The following TSHZ3 variants were observed in gnomAD, a reference collection of about 807,000 sequenced individuals.
TSHZ3 encodes teashirt homolog 3.
In TSHZ3, 10 loss-of-function variants were observed where a neutral mutation model predicts 64.5. The observed-to-expected ratio is 0.16, with a 90% CI of 0.10 to 0.26. The LOEUF is 0.26. Ranked by LOEUF, TSHZ3 falls within the 10% of genes least tolerant of loss-of-function variation. The pLI, the probability that TSHZ3 is intolerant of heterozygous loss-of-function variation, is 1.00. For missense variants in TSHZ3, 1,242 were observed against 1,421.7 expected, an observed-to-expected ratio of 0.87 and a Z score of 2.03; for synonymous variants, 608 against 593.1, an observed-to-expected ratio of 1.03 and a Z score of -0.36.
In TSHZ3 at chr19:31,277,150, C is replaced by T; in HGVS notation, c.2643G>A (p.Glu881=). The part of the protein sequence containing the change: ...KSDIDGATLE[E]AEESTPAQKR... ...TCTGGGCGGGCGTCGACTCCTCAGCCTCCTCCAGAGTGGCCCCGTCAATGT... is the reference window on the plus strand; with the variant it reads ...TCTGGGCGGGCGTCGACTCCTCAGCTTCCTCCAGAGTGGCCCCGTCAATGT... Residue 881 remains glutamate (E), a synonymous_variant, in exon 2 of 2, where the codon GAG becomes GAA. Coordinates refer to ENST00000240587, the MANE Select transcript of TSHZ3 (RefSeq NM_020856.4). The surrounding 1 kb of genome is among the most constrained non-coding windows in gnomAD (Gnocchi z 4.5). 6.2e-7 allele frequency: 1 copy of T among 1,612,594 alleles called. No individual in the cohort carries two copies. Among genetic ancestry groups the T allele is most frequent in the Non-Finnish European group, 8.5e-7 (1 of 1,179,024 alleles).
intron 4 of TSHZ3, among the ~76,000 whole-genome samples, chr19:31,215,620 C>A (rs1177653889): frequency 6.6e-6 from 1 of 152,210 alleles, no homozygotes; most frequent in Non-Finnish European, 1.5e-5. Context: ...CGCCTATAAT[C>A]CCAGCACTTT....
chr19:31,218,699 A>G (rs1458267456), intron 4 of TSHZ3, among the ~76,000 whole-genome samples: 1 of 152,226 alleles, frequency 6.6e-6, no homozygotes, highest in Non-Finnish European at 1.5e-5. Context: ...CATCCAGACT[A>G]TGGAATATTG....
chr19:31,278,705 T>C lies in TSHZ3; in HGVS notation c.1088A>G (p.Asn363Ser), dbSNP rs780817273. 1.9e-6 allele frequency: 3 copies of C among 1,614,024 alleles called. No individual in the cohort carries two copies. The highest frequency in any genetic ancestry group is 2.5e-6 in the Non-Finnish European group (3 of 1,180,030). The change falls in exon 2 of 2, where the codon AAT (asparagine) becomes AGT (serine). Residue 363 changes from asparagine (N) to serine (S), a missense_variant. Around this residue, in one of 4 missense-constraint regions of TSHZ3, gnomAD observed 555 missense variants for 704.0 expected, o/e 0.79. Coordinates refer to ENST00000240587, the MANE Select transcript of TSHZ3 (RefSeq NM_020856.4). This position sits in a 1 kb window ranked among gnomAD's most constrained non-coding sequence, Gnocchi z 4.7. ...CCCATTCTGGTGGCCGTACCGATTATTTGGCGTGATGTAAGGGTTGGAGTT... is the reference window on the plus strand; with the variant it reads ...CCCATTCTGGTGGCCGTACCGATTACTTGGCGTGATGTAAGGGTTGGAGTT... ...QKNSNPYITP[N>S]NRYGHQNGAS...
At chr19:31,260,985 T>A (rs889450517) in intron 1 of TSHZ3, among the ~76,000 whole-genome samples, 1 of 152,200 alleles carries the variant, frequency 6.6e-6, no homozygotes, top group African/African-American at 2.4e-5. Flanking sequence ...AAGGCCAATT[T>A]TGAATGCGGG....
intron 5 of TSHZ3, chr19:31,167,451 G>A (rs1249311703): frequency 2.0e-5 from 3 of 152,098 alleles, no homozygotes; most frequent in Non-Finnish European, 2.9e-5. Flanking sequence ...GACCTTTATC[G>A]AGGTCACAGA....
At chr19:31,283,752 G>A (rs367568604) in intron 1 of TSHZ3, among the ~76,000 whole-genome samples, 40 of 152,374 alleles carry the variant, frequency 2.6e-4, no homozygotes, top group African/African-American at 9.6e-4. Flanking sequence ...CACTCAGCAA[G>A]TGGAGTAGTT....
rs572227856 is a variant in TSHZ3, at chr19:31,225,537, A to T, written n.686+2468T>A. Among the ~76,000 whole-genome samples, 3 of 152,214 alleles carry T rather than the reference A, an allele frequency of 2.0e-5. 1 individual carries two copies. In the South Asian group the frequency reaches 6.2e-4, roughly 32 times the overall value. ...AGCCTTGTCCTGCACTTTATGGAAA[A>T]ATGAGAAGCCATCGTATAGGAACAG... On this transcript the variant is annotated intron_variant and non_coding_transcript_variant, in intron 4 of 6. Transcript: ENST00000651361.
At chr19:31,281,592 C>A (rs1487987914) in intron 1 of TSHZ3, among the ~76,000 whole-genome samples, 7 of 152,142 alleles carry the variant, frequency 4.6e-5, no homozygotes, top group Non-Finnish European at 1.0e-4. Flanking sequence ...AAGTTTAAGG[C>A]CATGCACTTT....
At chr19:31,155,668 G>A (rs768529343) in intron 6 of TSHZ3, among the ~76,000 whole-genome samples, 25 of 152,152 alleles carry the variant, frequency 1.6e-4, no homozygotes, top group Non-Finnish European at 3.1e-4. Context: ...CTTACCGTAG[G>A]ACTTTAGATG....
intron 3 of TSHZ3, among the ~76,000 whole-genome samples, chr19:31,232,826 C>A (rs940258303): frequency 6.6e-6 from 1 of 152,186 alleles, no homozygotes; most frequent in African/African-American, 2.4e-5. Context: ...ATACAGAATG[C>A]ATTTGTTTCC....
rs370991502 is a variant in TSHZ3, at chr19:31,259,651, TA to T, written n.64-16777del. 4.3e-3 allele frequency among the ~76,000 whole-genome samples: 606 copies of T among 141,280 alleles called. 3 individuals are homozygous for T. Among genetic ancestry groups the T allele is most frequent in the African/African-American group, 0.013 (510 of 38,402 alleles). 92.7% of individuals were successfully genotyped at this position (141,280 alleles called of 152,430 possible). ...GAGCTCACTCAATTTTTGCTGGAAA[TA>T]AAAAAAAAAAGAGAAATAGGAGGTC... is the stretch of plus-strand genomic sequence containing the variant. On this transcript the variant is annotated intron_variant and non_coding_transcript_variant, in intron 1 of 6. Transcript: ENST00000651361.
Position 31,205,254 on chromosome 19 carries a change from G to A in TSHZ3, n.687-176C>T, listed in dbSNP as rs145704232. Among the ~76,000 whole-genome samples, 4 of 152,268 alleles carry A rather than the reference G, an allele frequency of 2.6e-5. No homozygotes were observed. In the East Asian group the frequency reaches 5.8e-4, roughly 22 times the overall value. On this transcript the variant is annotated intron_variant and non_coding_transcript_variant, in intron 4 of 6. Coordinates refer to the TSHZ3 transcript ENST00000651361. ...CTTATGCAATTCTCACCCTAAGCCTGCGATACCACAATTTTTATAATTTAT... is the reference window on the plus strand; with the variant it reads ...CTTATGCAATTCTCACCCTAAGCCTACGATACCACAATTTTTATAATTTAT...
At chr19:31,294,854 G>A (rs1338898546) in intron 1 of TSHZ3, among the ~76,000 whole-genome samples, 1 of 152,108 alleles carries the variant, frequency 6.6e-6, no homozygotes, top group Non-Finnish European at 1.5e-5. Flanking sequence ...AAGAGAGAGA[G>A]AAAAGAAACA....
At position 31,277,970 on chromosome 19, in the gene TSHZ3, T is replaced by C. The variant is rs1216478674; in HGVS notation, c.1823A>G (p.His608Arg). Residue 608 changes from histidine to arginine, a missense_variant, in exon 2 of 2, where the codon CAT (histidine) becomes CGT (arginine). Physicochemically the swap from His to Arg is conservative, Grantham distance 29. Coordinates refer to ENST00000240587, the MANE Select transcript of TSHZ3 (RefSeq NM_020856.4). This position sits in a 1 kb window ranked among gnomAD's most constrained non-coding sequence, Gnocchi z 4.5. ...QTSPMPKTNF[H>R]AMEELVKKVT... ...CTTTTTCACCAGCTCCTCCATGGCA[T>C]GAAAGTTTGTCTTGGGCATGGGGGA... 1 of 1,614,222 alleles carries C rather than the reference T, an allele frequency of 6.2e-7. No homozygotes were observed.
chr19:31,330,436 C>A (rs1294066634), intron 1 of TSHZ3, among the ~76,000 whole-genome samples: 1 of 152,228 alleles, frequency 6.6e-6, no homozygotes, highest in Non-Finnish European at 1.5e-5. Context: ...TGACGGCTCC[C>A]AATGCCCGAG....
chr19:31,338,607 C>T (rs557922734), intron 1 of TSHZ3, among the ~76,000 whole-genome samples: 3 of 127,304 alleles, frequency 2.4e-5, no homozygotes, highest in East Asian at 4.7e-4. Flanking sequence ...TAGCATGACA[C>T]GGAGTTTAAA....
chr19:31,240,552 G>C (rs1975674688), intron 3 of TSHZ3, among the ~76,000 whole-genome samples: 1 of 152,086 alleles, frequency 6.6e-6, no homozygotes, highest in Non-Finnish European at 1.5e-5. Context: ...ATGAAAAGAT[G>C]GACGTGAGAA....
In TSHZ3 at chr19:31,304,727, TATAGCA is replaced by T. The variant is rs1367124127; in HGVS notation, c.41-24981_41-24976del. On this transcript the variant is annotated intron_variant, in intron 1 of 1. Coordinates refer to ENST00000240587, the MANE Select transcript of TSHZ3 (RefSeq NM_020856.4). ...CAGAGCAGTAGACTTTGACAAAAAC[TATAGCA>T]CAACTGTTTCTAAGGTAGTTTGTAA... Among the ~76,000 whole-genome samples, 243 of 152,326 alleles carry T rather than the reference TATAGCA, an allele frequency of 1.6e-3. 1 individual carries two copies. The South Asian group carries it at 0.039, about 24-fold the overall frequency.
intron 5 of TSHZ3, among the ~76,000 whole-genome samples, chr19:31,183,228 TTCTCTCTC>T (rs71173953): frequency 0.026 from 328 of 12,574 alleles, 5 homozygotes; most frequent in African/African-American, 0.08. Context: ...CTCTCTCTCT[TTCTCTCTC>T]TCTCTCCATC....
Sources: allele counts gnomAD v4.1 joint callset (sites outside exome capture counted in the v4.1 genomes callset), GRCh38; gene constraint gnomAD v4.1.1; regional missense constraint gnomAD v4.1.1; non-coding constraint Gnocchi (gnomAD v3.1); transcripts MANE v1.5; gene names NCBI Gene and HGNC (gene_info 2026-07-23, HGNC 2026-07-21).